Variants in PTPRG observed in about 807,000 individuals in gnomAD.
The protein encoded by PTPRG is receptor-type tyrosine-protein phosphatase gamma.
Under a neutral mutation model 165.3 loss-of-function variants are expected in PTPRG, and 102 were observed. The observed-to-expected ratio is 0.62, with a 90% confidence interval of 0.53 to 0.73. The LOEUF (loss-of-function observed/expected upper bound fraction) is 0.73, where lower values mean the gene tolerates loss of function less well. Among genes scored for constraint, PTPRG ranks in the 30% least tolerant of loss-of-function variants. The pLI, the probability that PTPRG is intolerant of heterozygous loss-of-function variation, is 0.00. For missense variants in PTPRG, 1,866 were observed against 1,861.4 expected, an observed-to-expected ratio of 1.00 and a Z score of -0.05; for synonymous variants, 675 against 669.5, an observed-to-expected ratio of 1.01 and a Z score of -0.13.
rs949085314 is a variant in PTPRG, at chr3:62,281,685, T to G, written c.3888T>G (p.His1296Gln). The G allele has an allele frequency of 1.2e-6, 2 of 1,611,830 alleles. No individual in the cohort carries two copies. The highest frequency in any genetic ancestry group is 1.7e-5 in the Admixed American group (1 of 59,780). The change falls in exon 27 of 30, where the codon CAT (histidine) becomes CAG (glutamine). Residue 1296 changes from histidine to glutamine, a missense_variant. By Grantham distance (24) the His-to-Gln change is conservative. Coordinates refer to ENST00000474889, the MANE Select transcript of PTPRG (RefSeq NM_002841.4). The stretch of plus-strand genomic sequence containing the variant: ...CTAATGAAGAACAAATTATCATCCA[T>G]GACTTTATCCTTGAAGCTACACAGG... ...CLSNEEQIII[H>Q]DFILEATQDD...
chr3:62,221,718 C>T (rs1700655702), intron 13 of PTPRG, among the ~76,000 whole-genome samples: 1 of 152,164 alleles, frequency 6.6e-6, no homozygotes, highest in Non-Finnish European at 1.5e-5. Flanking sequence ...GGCCTGGCAC[C>T]GGGGGGTTCA....
intron 2 of PTPRG, among the ~76,000 whole-genome samples, chr3:61,837,128 G>A (rs1442431153): frequency 6.6e-6 from 1 of 152,192 alleles, no homozygotes; most frequent in South Asian, 2.1e-4. Context: ...GGCCACTCTG[G>A]TCTTGTACTC....
At chr3:62,045,887 G>A (rs1003888277) in intron 4 of PTPRG, among the ~76,000 whole-genome samples, 5 of 152,226 alleles carry the variant, frequency 3.3e-5, no homozygotes, top group African/African-American at 1.2e-4. Flanking sequence ...CAAAGGTGAG[G>A]CAAAGTGATA....
intron 2 of PTPRG, among the ~76,000 whole-genome samples, chr3:61,928,641 A>C (rs949853075): frequency 6.6e-6 from 1 of 152,284 alleles, no homozygotes; most frequent in Admixed American, 6.5e-5. Context: ...GTGTGATACT[A>C]TGCTTTTAAG....
At chr3:62,074,516 T>C (rs943694437) in intron 4 of PTPRG, among the ~76,000 whole-genome samples, 2 of 151,848 alleles carry the variant, frequency 1.3e-5, no homozygotes, top group African/African-American at 4.8e-5. Flanking sequence ...TCCTGGCTAA[T>C]TTTTTGTAGA....
At chr3:61,937,589 A>C (rs536990911) in intron 2 of PTPRG, among the ~76,000 whole-genome samples, 12 of 152,384 alleles carry the variant, frequency 7.9e-5, no homozygotes, top group African/African-American at 2.9e-4. Context: ...TGATGAAGGC[A>C]GCTGAAGCCA....
chr3:61,957,463 T>G (rs971587074), intron 2 of PTPRG, among the ~76,000 whole-genome samples: 2 of 152,264 alleles, frequency 1.3e-5, no homozygotes, highest in Non-Finnish European at 2.9e-5. Flanking sequence ...TGCTGTATAA[T>G]GTACTCCACA....
chr3:62,095,074 T>C (rs1702065754), intron 5 of PTPRG, among the ~76,000 whole-genome samples: 1 of 152,200 alleles, frequency 6.6e-6, no homozygotes, highest in African/African-American at 2.4e-5. Flanking sequence ...GGCAAACATG[T>C]AAAATCAGCC....
intron 2 of PTPRG, among the ~76,000 whole-genome samples, chr3:61,754,249 G>A (rs935021214): frequency 6.6e-6 from 1 of 152,192 alleles, no homozygotes; most frequent in South Asian, 2.1e-4. Flanking sequence ...CAACTGTCCT[G>A]GGATTTGAGG....
At chr3:62,099,340 T>C (rs1702212498) in intron 5 of PTPRG, among the ~76,000 whole-genome samples, 1 of 152,226 alleles carries the variant, frequency 6.6e-6, no homozygotes. Context: ...TTCCTAGTCT[T>C]TCAAAATGGT....
At chr3:61,773,925 C>T (rs941048165) in intron 2 of PTPRG, among the ~76,000 whole-genome samples, 1 of 151,992 alleles carries the variant, frequency 6.6e-6, no homozygotes, top group South Asian at 2.1e-4. Context: ...CAGGCGTGCA[C>T]CACCACGCGT....
At chr3:61,655,696 C>T (rs994966767) in intron 1 of PTPRG, among the ~76,000 whole-genome samples, 5 of 152,128 alleles carry the variant, frequency 3.3e-5, no homozygotes, top group South Asian at 2.1e-4. Context: ...CTGGCTCACT[C>T]CTGGGCTCAA....
chr3:62,138,094 C>T (rs917060898), intron 6 of PTPRG, among the ~76,000 whole-genome samples: 2 of 152,320 alleles, frequency 1.3e-5, no homozygotes, highest in Non-Finnish European at 2.9e-5. Flanking sequence ...TGTTCATTAG[C>T]AGTTCCTGGG....
At chr3:62,149,041 C>T (rs578206308) in intron 6 of PTPRG, among the ~76,000 whole-genome samples, 9 of 152,178 alleles carry the variant, frequency 5.9e-5, no homozygotes, top group Non-Finnish European at 1.3e-4. Context: ...ATCATAACTT[C>T]AGTCTTGTGC....
At chr3:62,124,332 G>A in intron 5 of PTPRG, 3 of 1,611,368 alleles carry the variant, frequency 1.9e-6, no homozygotes, top group Non-Finnish European at 2.5e-6. Flanking sequence ...TTCTGCCCGG[G>A]TCTCTGGTGA....
intron 12 of PTPRG, among the ~76,000 whole-genome samples, chr3:62,215,537 C>T (rs1377268208): frequency 6.8e-6 from 1 of 146,884 alleles, no homozygotes; most frequent in African/African-American, 2.6e-5. Context: ...GCTCCAACCC[C>T]CTACGGGAAC....
In PTPRG at chr3:61,767,252, A is replaced by AAAAAAAAAAAAC. The variant is rs2034053776; in HGVS notation, c.190+18275_190+18276insAAAAAACAAAAA. The stretch of plus-strand genomic sequence containing the variant: ...CAAGATTCCATCTCAAAAAAAAAAA[A>AAAAAAAAAAAAC]AAAAAGAAAGTAGAATTATCAAACT... On this transcript the variant is annotated intron_variant, in intron 2 of 29. Coordinates refer to ENST00000474889, the MANE Select transcript of PTPRG (RefSeq NM_002841.4). Among the ~76,000 whole-genome samples the AAAAAAAAAAAAC allele has an allele frequency of 2.0e-5, 3 of 149,124 alleles. No individual in the cohort carries two copies. The Admixed American group carries it at 2.0e-4, about 10-fold the overall frequency.
At chr3:62,246,354 C>G (rs1701289629) in intron 15 of PTPRG, among the ~76,000 whole-genome samples, 2 of 152,182 alleles carry the variant, frequency 1.3e-5, no homozygotes, top group Non-Finnish European at 2.9e-5. Flanking sequence ...TATGCCTAAA[C>G]AAATGAACTT....
At chr3:61,933,253 A>C (rs1029272598) in intron 2 of PTPRG, among the ~76,000 whole-genome samples, 4 of 152,234 alleles carry the variant, frequency 2.6e-5, no homozygotes, top group Non-Finnish European at 5.9e-5. Context: ...GTGGTGAATC[A>C]AAATGATGCT....
Sources: allele counts gnomAD v4.1 joint callset (sites outside exome capture counted in the v4.1 genomes callset), GRCh38; gene constraint gnomAD v4.1.1; transcripts MANE v1.5; gene names NCBI Gene and HGNC (gene_info 2026-07-23, HGNC 2026-07-21).